Variants in KCNQ5 observed in about 807,000 individuals in gnomAD.
The protein encoded by KCNQ5 is potassium voltage-gated channel subfamily Q member 5.
KCNQ5 carries 30 observed loss-of-function variants against 98.2 expected under a neutral mutation model. The observed-to-expected ratio is 0.31, with a 90% CI of 0.23 to 0.41. The LOEUF (loss-of-function observed/expected upper bound fraction) is 0.41, where lower values mean the gene tolerates loss of function less well. Ranked by LOEUF, KCNQ5 falls within the 10% of genes least tolerant of loss-of-function variation. KCNQ5 has a pLI of 1.00. For synonymous variants in KCNQ5, 458 were observed against 449.4 expected (o/e 1.02, Z -0.24); for missense variants, 835 against 1,182.5 (o/e 0.71, Z 4.31).
intron 2 of KCNQ5, among the ~76,000 whole-genome samples, chr6:73,018,758 T>C (rs1770461495): frequency 6.6e-6 from 1 of 152,172 alleles, no homozygotes; most frequent in Non-Finnish European, 1.5e-5. Context: ...CTAATGCAAG[T>C]TACCTCATCC....
intron 1 of KCNQ5, among the ~76,000 whole-genome samples, chr6:72,645,643 C>G (rs1765562753): frequency 6.6e-6 from 1 of 152,080 alleles, no homozygotes. Context: ...GGTAGTGAGT[C>G]TCTGGGTTTG....
At chr6:73,036,395 A>G (rs1173371937) in intron 2 of KCNQ5, among the ~76,000 whole-genome samples, 2 of 149,120 alleles carry the variant, frequency 1.3e-5, no homozygotes, top group African/African-American at 4.9e-5. Flanking sequence ...CAAAAAAAAA[A>G]AAAAAAAAAA....
intron 1 of KCNQ5, among the ~76,000 whole-genome samples, chr6:72,981,083 T>G (rs996676685): frequency 2.0e-5 from 3 of 152,186 alleles, no homozygotes; most frequent in African/African-American, 7.2e-5. Flanking sequence ...GAGGATTTTC[T>G]CATCGATATT....
chr6:73,197,128 C>T lies in KCNQ5; in HGVS notation c.*1714C>T, dbSNP rs1006177117. On this transcript the variant is annotated 3_prime_UTR_variant, in exon 14 of 14. Transcript: ENST00000370398. ...AGGCCCTGAACTCCACCAATCCTCC[C>T]CAGCCCTCCCCAACAGGCTTTCTCC... 6.6e-6 allele frequency: 1 copy of T among 152,178 alleles called. No homozygotes were observed. Among genetic ancestry groups the T allele is most frequent in the Non-Finnish European group, 1.5e-5 (1 of 68,036 alleles). The allele number at this position is 152,178 out of a possible 1,614,324, so 9.4% of individuals were successfully genotyped here. A position where few individuals can be genotyped will look rare whatever the true frequency, so the allele number is the denominator to read the frequency against.
intron 1 of KCNQ5, among the ~76,000 whole-genome samples, chr6:72,958,002 A>C (rs1385240785): frequency 6.6e-6 from 1 of 152,214 alleles, no homozygotes; most frequent in East Asian, 1.9e-4. Flanking sequence ...TCCTTAGAGC[A>C]AGTGCTGTGC....
chr6:72,671,959 G>T (rs1469426677), intron 1 of KCNQ5, among the ~76,000 whole-genome samples: 1 of 151,522 alleles, frequency 6.6e-6, no homozygotes, highest in Non-Finnish European at 1.5e-5. Flanking sequence ...CAGGACTACA[G>T]GCACCCGCCA....
intron 10 of KCNQ5, among the ~76,000 whole-genome samples, chr6:73,138,429 C>G (rs1335616949): frequency 6.6e-6 from 1 of 152,152 alleles, no homozygotes; most frequent in African/African-American, 2.4e-5. Context: ...GAATTGCAAT[C>G]AAAGAGTACA....
intron 1 of KCNQ5, among the ~76,000 whole-genome samples, chr6:72,917,429 C>T (rs569894001): frequency 1.1e-4 from 14 of 129,570 alleles, no homozygotes; most frequent in African/African-American, 5.2e-4. Context: ...GATTTAGGAG[C>T]CCCCCCACCA....
chr6:73,052,601 A>C (rs1020645295), intron 3 of KCNQ5, among the ~76,000 whole-genome samples: 2 of 152,346 alleles, frequency 1.3e-5, no homozygotes, highest in African/African-American at 4.8e-5. Context: ...TATTAAAGAA[A>C]AGAAATTCCA....
At chr6:72,976,651 AGTCATTAGTG>A (rs1231414736) in intron 1 of KCNQ5, among the ~76,000 whole-genome samples, 1 of 152,234 alleles carries the variant, frequency 6.6e-6, no homozygotes, top group African/African-American at 2.4e-5. Context: ...AGGTCAGCAG[AGTCATTAGTG>A]GTCATTTTAA....
intron 1 of KCNQ5, among the ~76,000 whole-genome samples, chr6:72,828,765 T>C (rs895805975): frequency 2.6e-5 from 4 of 152,132 alleles, no homozygotes; most frequent in Non-Finnish European, 5.9e-5. Flanking sequence ...TGGATGCCTC[T>C]TTATTTTGTT....
intron 1 of KCNQ5, among the ~76,000 whole-genome samples, chr6:72,815,807 G>A (rs188627285): frequency 1.2e-3 from 179 of 152,282 alleles, no homozygotes; most frequent in Admixed American, 2.2e-3. Context: ...AGTGACAGAC[G>A]ATGGTGCCAC....
At chr6:72,686,150 C>T (rs1405273763) in intron 1 of KCNQ5, among the ~76,000 whole-genome samples, 1 of 152,164 alleles carries the variant, frequency 6.6e-6, no homozygotes, top group Non-Finnish European at 1.5e-5. Flanking sequence ...GGGATTAGAG[C>T]TTCAACATAT....
At chr6:73,181,263 C>T (rs1294992464) in intron 11 of KCNQ5, among the ~76,000 whole-genome samples, 1 of 152,176 alleles carries the variant, frequency 6.6e-6, no homozygotes, top group East Asian at 1.9e-4. Flanking sequence ...GTTTATTAGA[C>T]TCCTAGTCTC....
intron 3 of KCNQ5, among the ~76,000 whole-genome samples, chr6:73,070,569 C>T (rs1209107925): frequency 1.3e-5 from 2 of 152,156 alleles, no homozygotes; most frequent in South Asian, 2.1e-4. Flanking sequence ...ATGGTAAAGG[C>T]TCTGTTCCAT....
intron 2 of KCNQ5, among the ~76,000 whole-genome samples, chr6:73,004,467 T>C (rs1377946557): frequency 1.3e-5 from 2 of 152,180 alleles, no homozygotes; most frequent in Admixed American, 6.5e-5. Flanking sequence ...TTCATGCTCT[T>C]TTCAACCAAC....
In KCNQ5 at chr6:72,839,645, G is replaced by A. The variant is rs1445320440; in HGVS notation, c.399-164263G>A. Among the ~76,000 whole-genome samples, 4 of 151,996 alleles carry A rather than the reference G, an allele frequency of 2.6e-5. No homozygotes were observed. The East Asian group carries it at 7.7e-4, about 29-fold the overall frequency. ...TCAGTTCACCATTCAGAGTACTTTT[G>A]TTTTGTTTTTTATTTATTTTAAGTT... On this transcript the variant is annotated intron_variant, in intron 1 of 13. Transcript: ENST00000370398.
In KCNQ5 at chr6:73,055,617, AG is replaced by A. The variant is rs981448178; in HGVS notation, c.616+13559del. 2.0e-5 allele frequency: 25 copies of A among 1,241,456 alleles called. No individual in the cohort carries two copies. In the African/African-American group the frequency reaches 3.1e-4, roughly 15 times the overall value. 76.9% of individuals were successfully genotyped at this position (1,241,456 alleles called of 1,614,324 possible). On this transcript the variant is annotated intron_variant, in intron 3 of 13. Coordinates refer to ENST00000370398, the MANE Select transcript of KCNQ5 (RefSeq NM_019842.4). The stretch of plus-strand genomic sequence containing the variant: ...GAAGAAGTATTTCCCCAGATCAAGG[AG>A]GGGAAATGGGTACTGACTGCAGCCC...
At chr6:72,695,261 G>A (rs1023409324) in intron 1 of KCNQ5, among the ~76,000 whole-genome samples, 1 of 152,100 alleles carries the variant, frequency 6.6e-6, no homozygotes, top group Admixed American at 6.6e-5. Context: ...AGCATTGTGT[G>A]TCTATATTTC....
Sources: gnomAD v4.1 joint callset for allele counts (sites outside exome capture counted in the v4.1 genomes callset) on GRCh38, gnomAD v4.1.1 for gene constraint, MANE v1.5 for transcripts, NCBI Gene and HGNC (gene_info 2026-07-23, HGNC 2026-07-21) for gene names.